Variants in CTNNA3 observed in about 807,000 individuals in gnomAD.
CTNNA3 encodes the protein catenin alpha-3.
In CTNNA3, 76 loss-of-function variants were observed where a neutral mutation model predicts 95.7. The observed-to-expected ratio is 0.79, with a 90% CI of 0.66 to 0.96. CTNNA3 has a LOEUF of 0.96. Among genes scored for constraint, CTNNA3 ranks in the 40% least tolerant of loss-of-function variants. The pLI, the probability that CTNNA3 is intolerant of heterozygous loss-of-function variation, is 0.00. For missense variants in CTNNA3, 1,191 were observed against 1,089.8 expected (o/e 1.09, Z -1.31); for synonymous variants, 431 against 374.4 (o/e 1.15, Z -1.74).
intron 7 of CTNNA3, among the ~76,000 whole-genome samples, chr10:67,051,280 T>G (rs1855071926): frequency 1.3e-5 from 2 of 152,108 alleles, no homozygotes; most frequent in African/African-American, 4.8e-5. Flanking sequence ...TTAATATGAA[T>G]TCTCTTACAC....
At chr10:67,121,621 G>C (rs1335163424) in intron 7 of CTNNA3, among the ~76,000 whole-genome samples, 1 of 151,996 alleles carries the variant, frequency 6.6e-6, no homozygotes, top group African/African-American at 2.4e-5. Flanking sequence ...GTGCCCCGCA[G>C]TGCTGGCCAC....
intron 9 of CTNNA3, among the ~76,000 whole-genome samples, chr10:66,684,407 A>G (rs1847174542): frequency 6.6e-6 from 1 of 152,214 alleles, no homozygotes; most frequent in Admixed American, 6.5e-5. Context: ...TTAGCATAAA[A>G]GCAATTTTCT....
At chr10:66,516,515 G>A (rs1840863686) in intron 11 of CTNNA3, among the ~76,000 whole-genome samples, 1 of 152,144 alleles carries the variant, frequency 6.6e-6, no homozygotes, top group African/African-American at 2.4e-5. Context: ...CCGATTCTAT[G>A]CATTTCGTAC....
intron 17 of CTNNA3, among the ~76,000 whole-genome samples, chr10:65,945,277 T>C (rs564425317): frequency 9.2e-5 from 14 of 152,266 alleles, no homozygotes; most frequent in Admixed American, 4.6e-4. Context: ...TGACAATATA[T>C]AATCAGTGGT....
chr10:67,042,100 A>C (rs1296920220), intron 7 of CTNNA3, among the ~76,000 whole-genome samples: 1 of 152,190 alleles, frequency 6.6e-6, no homozygotes, highest in Non-Finnish European at 1.5e-5. Flanking sequence ...ACTTTTTAAT[A>C]AACAGGAGAA....
intron 13 of CTNNA3, among the ~76,000 whole-genome samples, chr10:66,197,765 G>A (rs948674942): frequency 2.4e-4 from 37 of 152,244 alleles, no homozygotes; most frequent in African/African-American, 8.4e-4. Flanking sequence ...AGCAAGACTA[G>A]TAAAGGCCAG....
intron 15 of CTNNA3, among the ~76,000 whole-genome samples, chr10:66,018,624 T>C (rs1219036945): frequency 6.6e-6 from 1 of 152,124 alleles, no homozygotes; most frequent in Non-Finnish European, 1.5e-5. Context: ...ACATTACATC[T>C]AAAGCCCTGA....
chr10:67,278,829 T>A (rs1839286372), intron 5 of CTNNA3, among the ~76,000 whole-genome samples: 1 of 152,118 alleles, frequency 6.6e-6, no homozygotes, highest in Non-Finnish European at 1.5e-5. Flanking sequence ...TCCCTTCTTA[T>A]CCTATAGTCA....
chr10:67,396,916 T>C (rs1844727160), intron 5 of CTNNA3, among the ~76,000 whole-genome samples: 1 of 152,152 alleles, frequency 6.6e-6, no homozygotes, highest in Non-Finnish European at 1.5e-5. Flanking sequence ...ACCATATGTT[T>C]GCTTCCCCTT....
chr10:65,962,640 G>A (rs758577368), intron 17 of CTNNA3, among the ~76,000 whole-genome samples: 3 of 151,782 alleles, frequency 2.0e-5, no homozygotes, highest in Non-Finnish European at 4.4e-5. Flanking sequence ...ACGTGCCCTG[G>A]TGGTTTGCTG....
At chr10:66,500,972 C>T (rs1431293136) in intron 11 of CTNNA3, among the ~76,000 whole-genome samples, 2 of 152,120 alleles carry the variant, frequency 1.3e-5, no homozygotes, top group Non-Finnish European at 2.9e-5. Flanking sequence ...CTACTGTTAG[C>T]ATGTGGCAGT....
intron 7 of CTNNA3, among the ~76,000 whole-genome samples, chr10:66,995,772 C>T (rs990662002): frequency 6.6e-6 from 1 of 152,144 alleles, no homozygotes; most frequent in Admixed American, 6.6e-5. Flanking sequence ...TGCCTTTAAC[C>T]TGATGAATTT....
At chr10:66,686,765 A>G (rs1353513054) in intron 9 of CTNNA3, among the ~76,000 whole-genome samples, 1 of 152,192 alleles carries the variant, frequency 6.6e-6, no homozygotes, top group East Asian at 1.9e-4. Context: ...TAAAAAGCAG[A>G]GCTGAGAGAG....
At chr10:67,762,331 T>C (rs891685826) in intron 1 of CTNNA3, among the ~76,000 whole-genome samples, 1 of 150,316 alleles carries the variant, frequency 6.7e-6, no homozygotes, top group Non-Finnish European at 1.5e-5. Context: ...AAATACACAA[T>C]AACTTTATAA....
chr10:66,892,916 G>A, intron 7 of CTNNA3, among the ~76,000 whole-genome samples: 1 of 152,084 alleles, frequency 6.6e-6, no homozygotes, highest in Non-Finnish European at 1.5e-5. Context: ...TAACCATTTT[G>A]AATAAATCAC....
chr10:66,586,246 C>A (rs374347642), intron 10 of CTNNA3, among the ~76,000 whole-genome samples: 1 of 152,000 alleles, frequency 6.6e-6, no homozygotes, highest in Non-Finnish European at 1.5e-5. Flanking sequence ...GGCTTCAGGC[C>A]AGTAGGAGGT....
intron 10 of CTNNA3, among the ~76,000 whole-genome samples, chr10:66,589,202 G>A (rs1311861097): frequency 6.6e-6 from 1 of 151,748 alleles, no homozygotes; most frequent in East Asian, 1.9e-4. Context: ...GGTTTATAAG[G>A]GTCATTGGTC....
chr10:65,946,154 T>C (rs902338133), intron 17 of CTNNA3, among the ~76,000 whole-genome samples: 4 of 152,180 alleles, frequency 2.6e-5, no homozygotes, highest in Non-Finnish European at 4.4e-5. Flanking sequence ...GTAATAATAA[T>C]AGCTATTCCA....
At chr10:67,744,926 C>T (rs2131743103) in intron 1 of CTNNA3, among the ~76,000 whole-genome samples, 1 of 152,092 alleles carries the variant, frequency 6.6e-6, no homozygotes, top group Admixed American at 6.6e-5. Flanking sequence ...CATCACTGGC[C>T]ATCAGAGAAA....
Sources: allele counts gnomAD v4.1 joint callset (sites outside exome capture counted in the v4.1 genomes callset), GRCh38; gene constraint gnomAD v4.1.1; transcripts MANE v1.5; gene names NCBI Gene and HGNC (gene_info 2026-07-23, HGNC 2026-07-21).